The following MAP3K20 variants were observed in gnomAD, a reference collection of about 807,000 sequenced individuals.
MAP3K20 encodes the protein HCCS-4.
MAP3K20 carries 40 observed loss-of-function variants against 85.7 expected under a neutral mutation model. The observed-to-expected ratio is 0.47, with a 90% CI of 0.36 to 0.61. The LOEUF is 0.61. Among genes scored for constraint, MAP3K20 ranks in the 20% least tolerant of loss-of-function variants. The pLI is 0.00. For synonymous variants in MAP3K20, 325 were observed against 327.7 expected, an observed-to-expected ratio of 0.99 and a Z score of 0.09; for missense variants, 817 against 961.7, an observed-to-expected ratio of 0.85 and a Z score of 1.99.
At chr2:173,118,173 T>C (rs1220824122) in intron 2 of MAP3K20, among the ~76,000 whole-genome samples, 1 of 152,256 alleles carries the variant, frequency 6.6e-6, no homozygotes, top group African/African-American at 2.4e-5. Context: ...CTCTTTGTAA[T>C]TCCATTTTCC....
intron 14 of MAP3K20, 31 bp downstream of exon 14, chr2:173,232,490 CA>C (rs1559292269): frequency 1.2e-6 from 2 of 1,603,680 alleles, no homozygotes; most frequent in Admixed American, 1.7e-5. Flanking sequence ...ATTCCATCAG[CA>C]AACCCTTTTT....
intron 14 of MAP3K20, among the ~76,000 whole-genome samples, chr2:173,235,699 T>C (rs1421040335): frequency 6.6e-6 from 1 of 152,226 alleles, no homozygotes; most frequent in East Asian, 1.9e-4. Context: ...TGCCATTCAA[T>C]TGCCCACTTT....
intron 1 of MAP3K20, among the ~76,000 whole-genome samples, chr2:173,081,324 G>A (rs1256163408): frequency 6.6e-6 from 1 of 151,752 alleles, no homozygotes; most frequent in East Asian, 1.9e-4. Flanking sequence ...ACCTTGCCTG[G>A]CTTATTCCCC....
intron 4 of MAP3K20, among the ~76,000 whole-genome samples, chr2:173,184,966 G>A (rs903788044): frequency 6.6e-6 from 1 of 151,866 alleles, no homozygotes; most frequent in African/African-American, 2.4e-5. Context: ...GAGAGGCCAG[G>A]CACGGTGGCT....
intron 1 of MAP3K20, among the ~76,000 whole-genome samples, chr2:173,085,020 C>A (rs1286367847): frequency 6.6e-6 from 1 of 152,150 alleles, no homozygotes; most frequent in Non-Finnish European, 1.5e-5. Context: ...AAGTCAAATA[C>A]TATGCAAACT....
chr2:173,186,833 A>G (rs1690499663), intron 4 of MAP3K20, among the ~76,000 whole-genome samples: 1 of 152,226 alleles, frequency 6.6e-6, no homozygotes, highest in Admixed American at 6.5e-5. Flanking sequence ...GTGTCTTTAA[A>G]GTATAATTTT....
intron 2 of MAP3K20, among the ~76,000 whole-genome samples, chr2:173,114,822 C>T (rs377195316): frequency 2.6e-5 from 4 of 152,314 alleles, no homozygotes; most frequent in African/African-American, 9.6e-5. Flanking sequence ...GTGCTTCTGT[C>T]TGACAGTTCT....
intron 1 of MAP3K20, among the ~76,000 whole-genome samples, chr2:173,078,119 A>G (rs1247313278): frequency 1.1e-4 from 16 of 152,250 alleles, no homozygotes; most frequent in African/African-American, 3.9e-4. Context: ...GTGGAGTGAC[A>G]GAGCAAAATG....
At chr2:173,150,572 A>T (rs568176562) in intron 2 of MAP3K20, among the ~76,000 whole-genome samples, 39 of 152,032 alleles carry the variant, frequency 2.6e-4, no homozygotes, top group African/African-American at 7.0e-4. Flanking sequence ...CCTTAAAAAA[A>T]TTTTTTTTCT....
chr2:173,224,075 T>G (rs1684322759), intron 11 of MAP3K20: 3 of 909,602 alleles, frequency 3.3e-6, no homozygotes, highest in Non-Finnish European at 3.9e-6. Context: ...TGCCAGTGAG[T>G]GAAGATCGAT....
chr2:173,099,447 G>A (rs765872221), intron 2 of MAP3K20, among the ~76,000 whole-genome samples: 26 of 151,756 alleles, frequency 1.7e-4, no homozygotes, highest in Non-Finnish European at 3.2e-4. Context: ...AGTCTCCCAA[G>A]TGGCTGAGAT....
At chr2:173,165,783 T>C (rs755161387) in intron 2 of MAP3K20, among the ~76,000 whole-genome samples, 1 of 152,212 alleles carries the variant, frequency 6.6e-6, no homozygotes, top group Admixed American at 6.5e-5. Context: ...GCCATCCTAC[T>C]GCCTCAGCCT....
chr2:173,126,410 C>T (rs1188360687), intron 2 of MAP3K20, among the ~76,000 whole-genome samples: 1 of 151,980 alleles, frequency 6.6e-6, no homozygotes, highest in Non-Finnish European at 1.5e-5. Context: ...GACAGAGTCT[C>T]ACTCTGTCAC....
chr2:173,239,020 T>C (rs1684719354), intron 15 of MAP3K20, among the ~76,000 whole-genome samples: 1 of 152,168 alleles, frequency 6.6e-6, no homozygotes, highest in African/African-American at 2.4e-5. Context: ...GCATCCTCCA[T>C]CCACTGCGTA....
intron 16 of MAP3K20, among the ~76,000 whole-genome samples, chr2:173,239,897 T>C (rs532054601): frequency 1.3e-5 from 2 of 152,344 alleles, no homozygotes; most frequent in African/African-American, 4.8e-5. Context: ...ACCCAAATTA[T>C]CAGCTCTAAA....
At chr2:173,186,127 T>C (rs1690479430) in intron 4 of MAP3K20, among the ~76,000 whole-genome samples, 1 of 152,190 alleles carries the variant, frequency 6.6e-6, no homozygotes, top group African/African-American at 2.4e-5. Flanking sequence ...TAATCTTCCA[T>C]GAGGAAGGAA....
upstream of MAP3K20, chr2:173,075,589 G>A (rs867431885): frequency 4.5e-6 from 1 of 219,952 alleles, no homozygotes; most frequent in Non-Finnish European, 7.7e-6. Context: ...GTAGCAGGTG[G>A]TGTTAATTTG....
chr2:173,227,197 C>T, intron 11 of MAP3K20: 1 of 934,310 alleles, frequency 1.1e-6, no homozygotes, highest in African/African-American at 1.8e-5. Context: ...AGATTGGATT[C>T]CCAACATCCT....
intron 7 of MAP3K20, among the ~76,000 whole-genome samples, chr2:173,192,074 C>T (rs1690669060): frequency 9.5e-6 from 1 of 105,526 alleles, no homozygotes; most frequent in African/African-American, 3.0e-5. Context: ...TCATACTGCC[C>T]TGCTATTTAT....
Sources: gnomAD v4.1 joint callset for allele counts (sites outside exome capture counted in the v4.1 genomes callset) on GRCh38, gnomAD v4.1.1 for gene constraint, MANE v1.5 for transcripts, NCBI Gene and HGNC (gene_info 2026-07-23, HGNC 2026-07-21) for gene names.